Variants in ARHGEF28 observed in about 807,000 individuals in gnomAD.
ARHGEF28 encodes the protein 190 kDa guanine nucleotide exchange factor.
ARHGEF28 carries 152 observed loss-of-function variants against 206.6 expected under a neutral mutation model. That is an observed-to-expected ratio of 0.74 (90% CI 0.64 to 0.84). ARHGEF28 has a LOEUF of 0.84. Among genes scored for constraint, ARHGEF28 ranks in the 40% least tolerant of loss-of-function variants. The probability of loss-of-function intolerance (pLI) is 0.00; values close to 1 mark genes in which losing one functional copy is unlikely to be tolerated. For synonymous variants in ARHGEF28, 763 were observed against 776.4 expected (o/e 0.98, Z 0.29); for missense variants, 2,028 against 2,073.2 (o/e 0.98, Z 0.42).
intron 9 of ARHGEF28, among the ~76,000 whole-genome samples, chr5:73,800,980 G>T (rs1189519466): frequency 6.6e-6 from 1 of 151,614 alleles, no homozygotes; most frequent in African/African-American, 2.4e-5. Flanking sequence ...GTGGTGAGCT[G>T]GGGGGAAATG....
chr5:73,679,332 C>T (rs1330981928), intron 1 of ARHGEF28, among the ~76,000 whole-genome samples: 1 of 152,120 alleles, frequency 6.6e-6, no homozygotes. Flanking sequence ...TTTGGGAGGC[C>T]AAGGCAGGCA....
chr5:73,671,694 T>TTATATATATATATATATATATA (rs1182569252), intron 1 of ARHGEF28, among the ~76,000 whole-genome samples: 1 of 76,118 alleles, frequency 1.3e-5, no homozygotes. Flanking sequence ...TTGAACTTGA[T>TTATATATATATATATATATATA]TATATATATA....
At chr5:73,824,476 T>A (rs1327148054) in intron 9 of ARHGEF28, among the ~76,000 whole-genome samples, 1 of 151,898 alleles carries the variant, frequency 6.6e-6, no homozygotes, top group Non-Finnish European at 1.5e-5. Context: ...TGAAGACTTT[T>A]TTTTTTTTTT....
chr5:73,933,566 C>G (rs1764251345), intron 35 of ARHGEF28, among the ~76,000 whole-genome samples: 1 of 152,178 alleles, frequency 6.6e-6, no homozygotes, highest in Non-Finnish European at 1.5e-5. Context: ...AATAACAGAA[C>G]CCTTTATAAT....
intron 1 of ARHGEF28, among the ~76,000 whole-genome samples, chr5:73,659,652 G>T (rs1266448333): frequency 1.3e-5 from 2 of 152,100 alleles, no homozygotes; most frequent in Non-Finnish European, 2.9e-5. Flanking sequence ...ATTAAGTAAT[G>T]ACCTTATACA....
chr5:73,770,397 C>A (rs1281159316), intron 4 of ARHGEF28, among the ~76,000 whole-genome samples: 1 of 152,102 alleles, frequency 6.6e-6, no homozygotes, highest in Non-Finnish European at 1.5e-5. Flanking sequence ...CTTTTTGTGT[C>A]TTGGTTTTCA....
At chr5:73,813,525 G>C (rs2112522697) in intron 9 of ARHGEF28, 1 of 1,528,710 alleles carries the variant, frequency 6.5e-7, no homozygotes, top group East Asian at 2.5e-5. Flanking sequence ...CTCCTGGCTG[G>C]GGACGCCCCG....
intron 35 of ARHGEF28, among the ~76,000 whole-genome samples, chr5:73,913,761 A>G (rs1381744802): frequency 6.6e-6 from 1 of 152,180 alleles, no homozygotes; most frequent in Admixed American, 6.5e-5. Flanking sequence ...TCCATAGTTC[A>G]CTGTAATCTG....
Position 73,894,563 on chromosome 5 carries a change from G to C in ARHGEF28, c.3829G>C (p.Ala1277Pro). Residue 1277 changes from alanine (A) to proline (P), a missense_variant, in exon 29 of 36, where the codon GCA becomes CCA. By Grantham distance (27) the Ala-to-Pro change is conservative (BLOSUM62 -1). Coordinates refer to ENST00000513042, the MANE Select transcript of ARHGEF28 (RefSeq NM_001177693.2). ...CCAGGCAGCCTCATTACTGGCAGCAGCACTGAAAGAAGGTAAACTGCTGTG... is the reference window on the plus strand; with the variant it reads ...CCAGGCAGCCTCATTACTGGCAGCACCACTGAAAGAAGGTAAACTGCTGTG... ...PPQAASLLAA[A>P]LKEAESLQVA... 6.2e-7 allele frequency: 1 copy of C among 1,613,440 alleles called. No individual in the cohort carries two copies. Among genetic ancestry groups the C allele is most frequent in the South Asian group, 1.1e-5 (1 of 90,948 alleles).
chr5:73,935,536 G>C lies in ARHGEF28; in HGVS notation c.4949-5308G>C, dbSNP rs546249657. Among the ~76,000 whole-genome samples the C allele has an allele frequency of 2.2e-4, 33 of 152,238 alleles. No individual in the cohort carries two copies. The South Asian group carries it at 6.6e-3, about 31-fold the overall frequency. ...TCTGTATGATAAATGTTTTCCATTA[G>C]AAGAAAAAATGTTGTGCATTAATGC... is the stretch of plus-strand genomic sequence containing the variant. On this transcript the variant is annotated intron_variant, in intron 35 of 35. Transcript: ENST00000513042.
rs544741379 is a variant in ARHGEF28 at position 73,813,510 on chromosome 5, C to A, written c.1024+18119C>A. The A allele has an allele frequency of 5.9e-6, 9 of 1,523,680 alleles. No individual in the cohort carries two copies. In the South Asian group the frequency reaches 9.7e-5, roughly 16 times the overall value. The allele number at this position is 1,523,680 out of a possible 1,614,324, so 94.4% of individuals were successfully genotyped here. A position where few individuals can be genotyped will look rare whatever the true frequency, so the allele number is the denominator to read the frequency against. ...CTTCCCTTTACATCACATGGGGAGG[C>A]TTGCCTCCTGGCTGGGGACGCCCCG... On this transcript the variant is annotated intron_variant, in intron 9 of 35. Transcript: ENST00000513042.
chr5:73,852,217 A>G (rs1758746906), intron 13 of ARHGEF28, among the ~76,000 whole-genome samples: 2 of 152,064 alleles, frequency 1.3e-5, no homozygotes, highest in Admixed American at 1.3e-4. Context: ...ATGAAAATTA[A>G]CTCTTCTTAT....
At chr5:73,639,232 T>C (rs1191975338) in intron 1 of ARHGEF28, among the ~76,000 whole-genome samples, 1 of 147,482 alleles carries the variant, frequency 6.8e-6, no homozygotes, top group African/African-American at 2.5e-5. Context: ...CTATTACATA[T>C]ATATATATAT....
chr5:73,739,890 G>A (rs867381399), intron 2 of ARHGEF28, among the ~76,000 whole-genome samples: 29 of 150,300 alleles, frequency 1.9e-4, no homozygotes, highest in African/African-American at 5.8e-4. Flanking sequence ...ACCTGGGGCT[G>A]GATGTGATGG....
In ARHGEF28 at chr5:73,629,679, C is replaced by T. The variant is rs1743241474; in HGVS notation, c.-12+3357C>T. 3.3e-5 allele frequency among the ~76,000 whole-genome samples: 5 copies of T among 151,946 alleles called. No homozygotes were observed. In the South Asian group the frequency reaches 1.0e-3, roughly 31 times the overall value. On this transcript the variant is annotated intron_variant, in intron 1 of 35. Coordinates refer to ENST00000513042, the MANE Select transcript of ARHGEF28 (RefSeq NM_001177693.2). ...CATTATTGCTCCTGGACTTCTTCTC[C>T]TGGATAACCAAGATAATGAGATCTG...
intron 2 of ARHGEF28, among the ~76,000 whole-genome samples, chr5:73,712,040 A>T (rs966839209): frequency 1.3e-5 from 2 of 152,054 alleles, no homozygotes; most frequent in Non-Finnish European, 2.9e-5. Context: ...TCCTGCATCT[A>T]TTAGATGGCA....
In ARHGEF28 at chr5:73,830,503, G is replaced by A. The variant is rs1039079285; in HGVS notation, c.1025-1835G>A. Reference sequence around the variant, plus strand: ...TGGGAGGTGGAGCTTGCAGTGAGCCGAGATTGCGCCACTGCACTCCAGCCT... The same window carrying A: ...TGGGAGGTGGAGCTTGCAGTGAGCCAAGATTGCGCCACTGCACTCCAGCCT... On this transcript the variant is annotated intron_variant, in intron 9 of 35. Coordinates refer to ENST00000513042, the MANE Select transcript of ARHGEF28 (RefSeq NM_001177693.2). Among the ~76,000 whole-genome samples, 8 of 150,156 alleles carry A rather than the reference G, an allele frequency of 5.3e-5. No individual in the cohort carries two copies. In the East Asian group the frequency reaches 9.8e-4, roughly 18 times the overall value.
intron 22 of ARHGEF28, among the ~76,000 whole-genome samples, chr5:73,878,657 A>T (rs1760696548): frequency 1.3e-5 from 2 of 150,022 alleles, no homozygotes; most frequent in Non-Finnish European, 3.0e-5. Context: ...TTGTCTGTAA[A>T]GTATTTTATT....
At chr5:73,721,434 A>G (rs75360308) in intron 2 of ARHGEF28, among the ~76,000 whole-genome samples, 3,351 of 152,266 alleles carry the variant, frequency 0.022, 155 homozygotes, top group African/African-American at 0.076. Context: ...AATAGGGAAA[A>G]ATCTGAAACC....
Sources: gnomAD v4.1 joint callset for allele counts (sites outside exome capture counted in the v4.1 genomes callset) on GRCh38, gnomAD v4.1.1 for gene constraint, MANE v1.5 for transcripts, NCBI Gene and HGNC (gene_info 2026-07-23, HGNC 2026-07-21) for gene names.